The following DPP10 variants were observed in gnomAD, a reference collection of about 807,000 sequenced individuals.
DPP10 encodes inactive dipeptidyl peptidase 10.
Under a neutral mutation model 120.9 loss-of-function variants are expected in DPP10, and 33 were observed. The ratio of observed to expected loss-of-function variants is 0.27; its 90% CI spans 0.21 to 0.37. The LOEUF (loss-of-function observed/expected upper bound fraction) is 0.37. Ranked by LOEUF, DPP10 falls within the 10% of genes least tolerant of loss-of-function variation. The probability of loss-of-function intolerance (pLI) is 1.00; values close to 1 mark genes in which losing one functional copy is unlikely to be tolerated. For missense variants in DPP10, 816 were observed against 942.8 expected, an observed-to-expected ratio of 0.87 and a Z score of 1.76; for synonymous variants, 337 against 326.1, an observed-to-expected ratio of 1.03 and a Z score of -0.36.
At chr2:114,690,721 A>G (rs531058890) in intron 1 of DPP10, among the ~76,000 whole-genome samples, 90 of 152,182 alleles carry the variant, frequency 5.9e-4, no homozygotes, top group Non-Finnish European at 1.1e-3. Flanking sequence ...ACGAGCATGG[A>G]ATGTTTCTCC....
chr2:115,253,981 C>T (rs573681204), intron 1 of DPP10, among the ~76,000 whole-genome samples: 58 of 152,158 alleles, frequency 3.8e-4, no homozygotes, highest in African/African-American at 1.3e-3. Flanking sequence ...TCTGCCTGGG[C>T]GGCCAGGCTT....
intron 1 of DPP10, among the ~76,000 whole-genome samples, chr2:114,459,626 C>A (rs1678763800): frequency 6.6e-6 from 1 of 152,038 alleles, no homozygotes; most frequent in South Asian, 2.1e-4. Context: ...TCATGGTGAG[C>A]TATGCTTTGT....
chr2:115,634,234 T>A (rs1296071768), intron 5 of DPP10, among the ~76,000 whole-genome samples: 2 of 152,210 alleles, frequency 1.3e-5, no homozygotes, highest in Non-Finnish European at 2.9e-5. Context: ...TGCCTAGTTC[T>A]GTGCTCTTGC....
At chr2:115,727,143 A>G (rs1040153310) in intron 7 of DPP10, among the ~76,000 whole-genome samples, 7 of 152,072 alleles carry the variant, frequency 4.6e-5, no homozygotes, top group African/African-American at 1.4e-4. Flanking sequence ...TGTTGGGGCT[A>G]TTGTTGATAT....
At chr2:115,065,525 T>C (rs1706762038) in intron 1 of DPP10, 1 of 152,176 alleles carries the variant, frequency 6.6e-6, no homozygotes, top group African/African-American at 2.4e-5. Context: ...TATAATTCTT[T>C]TAATCTTCTC....
chr2:115,317,213 C>T (rs1436182346), intron 2 of DPP10, among the ~76,000 whole-genome samples: 2 of 150,426 alleles, frequency 1.3e-5, no homozygotes, highest in Non-Finnish European at 2.9e-5. Context: ...TCCCTCATCC[C>T]CTGGCAATCA....
intron 1 of DPP10, among the ~76,000 whole-genome samples, chr2:114,577,315 C>T (rs1471875640): frequency 6.6e-6 from 1 of 152,196 alleles, no homozygotes; most frequent in Non-Finnish European, 1.5e-5. Context: ...CAGGAACCAA[C>T]CTCGCTTTTG....
At chr2:114,949,084 C>T (rs1222311545) in intron 1 of DPP10, among the ~76,000 whole-genome samples, 1 of 151,936 alleles carries the variant, frequency 6.6e-6, no homozygotes, top group East Asian at 1.9e-4. Context: ...GCCACCACAC[C>T]CGGCTAATTT....
chr2:115,491,328 G>T (rs572646040), intron 3 of DPP10, among the ~76,000 whole-genome samples: 1 of 152,190 alleles, frequency 6.6e-6, no homozygotes, highest in Admixed American at 6.6e-5. Flanking sequence ...TGCTAAACTG[G>T]TATAAGAGTT....
intron 1 of DPP10, among the ~76,000 whole-genome samples, chr2:115,146,129 G>A (rs2051212812): frequency 6.6e-6 from 1 of 152,046 alleles, no homozygotes; most frequent in African/African-American, 2.4e-5. Context: ...AATCTATGAC[G>A]CTGGGGTCTT....
At chr2:114,772,385 C>G (rs564458962) in intron 1 of DPP10, among the ~76,000 whole-genome samples, 1 of 152,036 alleles carries the variant, frequency 6.6e-6, no homozygotes, top group African/African-American at 2.4e-5. Flanking sequence ...GTCTCGAACT[C>G]CTGACCTCAT....
chr2:114,446,724 C>A (rs931456576), intron 1 of DPP10, among the ~76,000 whole-genome samples: 2 of 152,124 alleles, frequency 1.3e-5, no homozygotes, highest in African/African-American at 2.4e-5. Context: ...AGCTGGCAAA[C>A]TTTTTCATGG....
intron 1 of DPP10, among the ~76,000 whole-genome samples, chr2:114,769,609 CA>C (rs1479330502): frequency 6.6e-6 from 1 of 152,136 alleles, no homozygotes; most frequent in Non-Finnish European, 1.5e-5. Flanking sequence ...GAACCTAAGT[CA>C]AATTACCTGT....
chr2:115,542,468 G>A (rs2148968534), intron 5 of DPP10, among the ~76,000 whole-genome samples: 1 of 152,038 alleles, frequency 6.6e-6, no homozygotes, highest in East Asian at 1.9e-4. Flanking sequence ...CAAAAAGGAA[G>A]ATGCCATTAA....
intron 1 of DPP10, among the ~76,000 whole-genome samples, chr2:114,580,324 G>C (rs1013215586): frequency 6.6e-6 from 1 of 152,140 alleles, no homozygotes; most frequent in Non-Finnish European, 1.5e-5. Context: ...GTGATTAATG[G>C]TTACTTTCTA....
intron 5 of DPP10, among the ~76,000 whole-genome samples, chr2:115,622,720 C>T (rs956510023): frequency 2.5e-4 from 38 of 151,738 alleles, no homozygotes; most frequent in African/African-American, 8.9e-4. Context: ...AATACTTCTA[C>T]ATCTTTTTTA....
chr2:114,916,331 T>TA (rs886311377), intron 1 of DPP10, among the ~76,000 whole-genome samples: 2 of 152,030 alleles, frequency 1.3e-5, no homozygotes, highest in Admixed American at 1.3e-4. Context: ...GAATCACTAA[T>TA]AAAAAATCTA....
At chr2:115,752,384 C>T (rs1390023191) in intron 10 of DPP10, among the ~76,000 whole-genome samples, 1 of 151,986 alleles carries the variant, frequency 6.6e-6, no homozygotes, top group East Asian at 1.9e-4. Context: ...GTATGTGTTA[C>T]AAAGGAAGAT....
At chr2:114,819,353 CT>C in intron 1 of DPP10, among the ~76,000 whole-genome samples, 1 of 152,256 alleles carries the variant, frequency 6.6e-6, no homozygotes. Context: ...CACTTACCCT[CT>C]GTGATCCTCA....
Sources: allele counts gnomAD v4.1 joint callset (sites outside exome capture counted in the v4.1 genomes callset), GRCh38; gene constraint gnomAD v4.1.1; transcripts MANE v1.5; gene names NCBI Gene and HGNC (gene_info 2026-07-23, HGNC 2026-07-21).